The following CCDC171 variants were observed in gnomAD, a reference collection of about 807,000 sequenced individuals.
CCDC171 encodes coiled-coil domain containing 171.
Under a neutral mutation model 168.2 loss-of-function variants are expected in CCDC171, and 177 were observed. That is an observed-to-expected ratio of 1.05 (90% confidence interval 0.93 to 1.19). The LOEUF is 1.19. CCDC171 is among the 50% of genes most tolerant of loss of function. CCDC171 has a pLI of 0.00. For synonymous variants in CCDC171, 687 were observed against 540.8 expected (o/e 1.27, Z -3.75); for missense variants, 1,991 against 1,539.0 (o/e 1.29, Z -4.91).
intron 3 of CCDC171, among the ~76,000 whole-genome samples, chr9:16,002,814 A>G (rs1832592566): frequency 1.3e-5 from 2 of 152,136 alleles, no homozygotes; most frequent in African/African-American, 4.8e-5. Context: ...CCATGTTTGT[A>G]CTGTACTTTT....
chr9:15,588,811 C>T (rs1238910670), intron 4 of CCDC171, among the ~76,000 whole-genome samples: 5 of 150,532 alleles, frequency 3.3e-5, no homozygotes, highest in African/African-American at 2.4e-5. Context: ...GGGTTCACGT[C>T]ATTCTTCTGC....
intron 25 of CCDC171, among the ~76,000 whole-genome samples, chr9:15,947,113 A>G (rs1223258059): frequency 1.3e-5 from 2 of 152,024 alleles, no homozygotes; most frequent in Non-Finnish European, 2.9e-5. Context: ...TACCTATAAT[A>G]TGAATTTGGA....
Position 15,816,960 on chromosome 9 carries a change from T to G in CCDC171, c.3268-29742T>G, listed in dbSNP as rs1227069265. On this transcript the variant is annotated intron_variant, in intron 21 of 25. Transcript: ENST00000380701. The stretch of plus-strand genomic sequence containing the variant: ...TACATAGCTGATTATATTCTCAGGA[T>G]AGAGCTCAAGAAGCAGACTGAGTCA... Among the ~76,000 whole-genome samples the G allele has an allele frequency of 1.7e-5, 2 of 118,360 alleles. 1 individual carries two copies. Among genetic ancestry groups the G allele is most frequent in the Non-Finnish European group, 3.8e-5 (2 of 52,586 alleles). 77.6% of individuals were successfully genotyped at this position (118,360 alleles called of 152,430 possible).
chr9:15,753,095 A>G (rs1158357023), intron 18 of CCDC171, among the ~76,000 whole-genome samples: 1 of 152,182 alleles, frequency 6.6e-6, no homozygotes, highest in Non-Finnish European at 1.5e-5. Flanking sequence ...CAGTTGTTAG[A>G]GAACAATAAT....
intron 20 of CCDC171, among the ~76,000 whole-genome samples, chr9:15,779,422 C>G (rs2057538340): frequency 6.6e-6 from 1 of 152,010 alleles, no homozygotes; most frequent in Non-Finnish European, 1.5e-5. Flanking sequence ...TGCAGTGGCA[C>G]TATCTCAGCT....
At chr9:15,564,164 G>A (rs1277380830) in intron 2 of CCDC171, 35 bp downstream of exon 2, 7 of 1,526,848 alleles carry the variant, frequency 4.6e-6, no homozygotes, top group African/African-American at 1.4e-5. Context: ...GTTGATGAAC[G>A]TTTTTAGTTG....
At chr9:15,951,169 A>G (rs1416785022) in intron 25 of CCDC171, among the ~76,000 whole-genome samples, 1 of 150,692 alleles carries the variant, frequency 6.6e-6, no homozygotes, top group Non-Finnish European at 1.5e-5. Flanking sequence ...CTACACATTA[A>G]TAATGGGAGA....
intron 23 of CCDC171, among the ~76,000 whole-genome samples, chr9:15,871,039 A>G (rs1301209806): frequency 6.6e-6 from 1 of 151,416 alleles, no homozygotes; most frequent in Non-Finnish European, 1.5e-5. Flanking sequence ...TGATATGTCT[A>G]TTAGAGATAT....
intron 21 of CCDC171, among the ~76,000 whole-genome samples, chr9:15,789,047 G>A (rs1448201107): frequency 2.0e-5 from 3 of 152,054 alleles, no homozygotes; most frequent in Non-Finnish European, 4.4e-5. Context: ...ATTGTCAAAC[G>A]TCAGTATGTG....
At chr9:16,098,974 T>C in the CCDC171 span, among the ~76,000 whole-genome samples, 1 of 152,174 alleles carries the variant, frequency 6.6e-6, no homozygotes, top group Non-Finnish European at 1.5e-5. Flanking sequence ...AGCTCTGACA[T>C]AGGATGGATA....
intron 2 of CCDC171, among the ~76,000 whole-genome samples, chr9:15,567,181 C>T (rs188105119): frequency 2.6e-4 from 40 of 152,014 alleles, no homozygotes; most frequent in African/African-American, 8.4e-4. Context: ...GCTACTGTGC[C>T]CAGCTAATTT....
chr9:15,728,261 T>G (rs2053942723), intron 15 of CCDC171, among the ~76,000 whole-genome samples: 1 of 152,130 alleles, frequency 6.6e-6, no homozygotes, highest in African/African-American at 2.4e-5. Context: ...CCACTTTCTG[T>G]GCAGGACATG....
chr9:15,669,046 C>A (rs2048925309), intron 9 of CCDC171, among the ~76,000 whole-genome samples: 1 of 152,060 alleles, frequency 6.6e-6, no homozygotes, highest in African/African-American at 2.4e-5. Flanking sequence ...CTTGAACCTG[C>A]CATTGGTTAA....
At chr9:15,947,346 T>C (rs747634340) in intron 25 of CCDC171, among the ~76,000 whole-genome samples, 54 of 151,962 alleles carry the variant, frequency 3.6e-4, no homozygotes, top group Non-Finnish European at 6.9e-4. Context: ...CATTAAACAG[T>C]AATTTCCCAT....
chr9:15,794,822 A>C (rs1246572634), intron 21 of CCDC171, among the ~76,000 whole-genome samples: 1 of 152,220 alleles, frequency 6.6e-6, no homozygotes. Flanking sequence ...AACCCAATGT[A>C]GTCGTGATGA....
chr9:15,677,260 A>T (rs1382045524), intron 9 of CCDC171, among the ~76,000 whole-genome samples: 2 of 152,014 alleles, frequency 1.3e-5, no homozygotes, highest in South Asian at 2.1e-4. Context: ...ACTTTGAGAG[A>T]TTTACATAAA....
At chr9:16,081,056 A>G in the CCDC171 span, among the ~76,000 whole-genome samples, 4 of 152,202 alleles carry the variant, frequency 2.6e-5, no homozygotes, top group African/African-American at 9.6e-5. Flanking sequence ...GCTTACACTT[A>G]GAAACACTCC....
At chr9:15,586,855 TG>T (rs1174038395) in intron 4 of CCDC171, among the ~76,000 whole-genome samples, 3 of 152,148 alleles carry the variant, frequency 2.0e-5, no homozygotes, top group Non-Finnish European at 4.4e-5. Context: ...TTGCCCAGGC[TG>T]GAGGGCAGTG....
intron 6 of CCDC171, among the ~76,000 whole-genome samples, chr9:15,599,575 C>G (rs2042665499): frequency 6.6e-6 from 1 of 152,176 alleles, no homozygotes. Context: ...TCTGGCTGCC[C>G]TTAACATTTT....
Sources: gnomAD v4.1 joint callset for allele counts (sites outside exome capture counted in the v4.1 genomes callset) on GRCh38, gnomAD v4.1.1 for gene constraint, MANE v1.5 for transcripts, NCBI Gene and HGNC (gene_info 2026-07-23, HGNC 2026-07-21) for gene names.